The following ATG3 variants were observed in gnomAD, a reference collection of about 807,000 sequenced individuals.
ATG3 encodes ubiquitin-like-conjugating enzyme ATG3.
Under a neutral mutation model 50.7 loss-of-function variants are expected in ATG3, and 25 were observed. That is an observed-to-expected ratio of 0.49 (90% CI 0.36 to 0.69). The LOEUF is 0.69. ATG3 is among the 30% of genes least tolerant of loss of function. The probability of loss-of-function intolerance (pLI) is 0.00; values close to 1 mark genes in which losing one functional copy is unlikely to be tolerated. For synonymous variants in ATG3, 119 were observed against 125.5 expected (o/e 0.95, Z 0.34); for missense variants, 281 against 376.0 (o/e 0.75, Z 2.09).
chr3:112,561,587 G>T lies in ATG3; in HGVS notation c.-59C>A, dbSNP rs1318089138. The T allele has an allele frequency of 9.1e-6, 14 of 1,538,534 alleles. No individual in the cohort carries two copies. Among genetic ancestry groups the T allele is most frequent in the Non-Finnish European group, 1.2e-5 (14 of 1,130,758 alleles). On this transcript the variant is annotated 5_prime_UTR_variant, in exon 1 of 12. Transcript: ENST00000283290. ...GGATGGAAAGTGCAGCCGTGTCAGGGGCCAGGGAGTCAGAAAATGTCCTCG... is the reference window on the plus strand; with the variant it reads ...GGATGGAAAGTGCAGCCGTGTCAGGTGCCAGGGAGTCAGAAAATGTCCTCG...
chr3:112,534,115 ATT>A, intron 11 of ATG3, 152 bp downstream of exon 11: 1 of 1,403,002 alleles, frequency 7.1e-7, no homozygotes. Flanking sequence ...ACAATATAAC[ATT>A]TTCTAAATAA....
chr3:112,538,873 A>T (rs990160388), intron 7 of ATG3, among the ~76,000 whole-genome samples: 2 of 152,206 alleles, frequency 1.3e-5, no homozygotes, highest in Admixed American at 6.5e-5. Flanking sequence ...CACTGCAAAT[A>T]TCACATGTCT....
chr3:112,540,962 C>T (rs1220174876), intron 7 of ATG3, among the ~76,000 whole-genome samples: 1 of 152,176 alleles, frequency 6.6e-6, no homozygotes, highest in Admixed American at 6.5e-5. Context: ...TGCTCACAGA[C>T]CCATACTGCT....
chr3:112,542,635 C>T (rs1256657420), intron 6 of ATG3, among the ~76,000 whole-genome samples: 2 of 151,976 alleles, frequency 1.3e-5, no homozygotes. Context: ...AACCACAAAA[C>T]CATCAGTGTC....
At chr3:112,536,374 A>AT (rs755912718) in intron 10 of ATG3, 101 bp downstream of exon 10, 69 of 1,422,168 alleles carry the variant, frequency 4.9e-5, no homozygotes, top group Non-Finnish European at 6.3e-5. Context: ...TAGTAAGAAA[A>AT]TTTTTTTCTG....
intron 4 of ATG3, among the ~76,000 whole-genome samples, chr3:112,549,461 G>A (rs759877649): frequency 1.4e-4 from 22 of 152,104 alleles, no homozygotes; most frequent in Non-Finnish European, 4.4e-5. Flanking sequence ...TGATTAGTTA[G>A]GAACTATAAC....
intron 5 of ATG3, among the ~76,000 whole-genome samples, chr3:112,546,530 A>G (rs560073449): frequency 6.6e-5 from 10 of 152,360 alleles, no homozygotes; most frequent in Admixed American, 5.2e-4. Flanking sequence ...GGTTGACTAC[A>G]TAACTGAAAC....
intron 5 of ATG3, among the ~76,000 whole-genome samples, chr3:112,547,008 G>A (rs1363032525): frequency 6.6e-6 from 1 of 152,234 alleles, no homozygotes; most frequent in Non-Finnish European, 1.5e-5. Context: ...AGAGATGGCA[G>A]TATCCTTTAT....
intron 9 of ATG3, among the ~76,000 whole-genome samples, chr3:112,537,325 T>C (rs953066157): frequency 6.6e-6 from 1 of 152,332 alleles, no homozygotes; most frequent in Non-Finnish European, 1.5e-5. Context: ...ATTAAGTAGA[T>C]GAGTTTTCTG....
chr3:112,561,307 C>T (rs992779409), intron 1 of ATG3, 150 bp downstream of exon 1: 2 of 758,698 alleles, frequency 2.6e-6, no homozygotes, highest in Non-Finnish European at 4.4e-6. Flanking sequence ...GTTAAGACTA[C>T]GGGTGGGGGC....
At chr3:112,558,195 T>G in intron 2 of ATG3, 181 bp downstream of exon 2, 1 of 573,280 alleles carries the variant, frequency 1.7e-6, no homozygotes, top group Non-Finnish European at 3.1e-6. Context: ...AGTGGCAAAC[T>G]GACGGGGAAG....
chr3:112,532,640 A>G lies in ATG3; in HGVS notation c.*59T>C. On this transcript the variant is annotated 3_prime_UTR_variant, in exon 12 of 12. Transcript: ENST00000283290. ...ATGAATATGGTCAATGGTCACATCT[A>G]TGGGTTAATTCTTTAAAAATCAGAA... 3 of 1,326,352 alleles carry G rather than the reference A, an allele frequency of 2.3e-6. No homozygotes were observed. The highest frequency in any genetic ancestry group is 1.5e-5 in the African/African-American group (1 of 66,424). The allele number at this position is 1,326,352 out of a possible 1,614,324, so 82.2% of individuals were successfully genotyped here.
chr3:112,558,044 A>G (rs1443821882), intron 2 of ATG3: 1 of 205,996 alleles, frequency 4.9e-6, no homozygotes, highest in Non-Finnish European at 9.6e-6. Context: ...AACAGAACCA[A>G]GACACCACAG....
intron 5 of ATG3, 38 bp downstream of exon 5, chr3:112,548,490 GTTTAA>G (rs1263313055): frequency 6.1e-6 from 9 of 1,480,108 alleles, no homozygotes; most frequent in South Asian, 2.3e-5. Flanking sequence ...TTGTGAAAGA[GTTTAA>G]TTTAAACTAA....
At chr3:112,550,117 CA>C in intron 4 of ATG3, 74 bp downstream of exon 4, 1 of 1,089,294 alleles carries the variant, frequency 9.2e-7, no homozygotes, top group Non-Finnish European at 1.3e-6. Flanking sequence ...AATTTTCAAG[CA>C]ATAGAAAAAC....
intron 3 of ATG3, among the ~76,000 whole-genome samples, chr3:112,551,525 T>C (rs1317679095): frequency 6.6e-6 from 1 of 152,226 alleles, no homozygotes; most frequent in Non-Finnish European, 1.5e-5. Context: ...TAAATCACTC[T>C]AATTCATAAA....
intron 1 of ATG3, 77 bp downstream of exon 1, chr3:112,561,380 G>A (rs1933870538): frequency 6.8e-7 from 1 of 1,469,654 alleles, no homozygotes; most frequent in Admixed American, 1.7e-5. Context: ...CGGAGAAAGC[G>A]GGGACTCCTG....
intron 3 of ATG3, among the ~76,000 whole-genome samples, chr3:112,551,835 C>G (rs2705519): frequency 0.16 from 23,927 of 151,908 alleles, 4,421 homozygotes; most frequent in African/African-American, 0.44. Flanking sequence ...AAAAAACCAC[C>G]TTTATTAAAT....
chr3:112,561,482 G>A lies in ATG3; in HGVS notation c.47C>T (p.Ala16Val). ...CTTGAGGACCGGGGTCAGGTACTCA[G>A]CCACTTCCAGTGCCTTTCCCTTCAC... The part of the protein sequence containing the change: ...NTVKGKALEV[A>V]EYLTPVLKES... Residue 16 changes from alanine (A) to valine (V), a missense_variant, in exon 1 of 12, where the codon GCT (alanine) becomes GTT (valine). By Grantham distance (64) the Ala-to-Val change is moderately conservative. Coordinates refer to ENST00000283290, the MANE Select transcript of ATG3 (RefSeq NM_022488.5). 1.2e-6 allele frequency: 2 copies of A among 1,605,132 alleles called. No homozygotes were observed. Among genetic ancestry groups the A allele is most frequent in the Middle Eastern group, 1.7e-4 (1 of 6,014 alleles).
Sources: gnomAD v4.1 joint callset for allele counts (sites outside exome capture counted in the v4.1 genomes callset) on GRCh38, gnomAD v4.1.1 for gene constraint, MANE v1.5 for transcripts, NCBI Gene and HGNC (gene_info 2026-07-23, HGNC 2026-07-21) for gene names.